MARCHF1: variants seen among roughly 807,000 people sequenced by gnomAD.
MARCHF1 encodes the protein membrane associated ring-CH-type finger 1, also known as E3 ubiquitin-protein ligase MARCHF1.
MARCHF1 carries 40 observed loss-of-function variants against 54.2 expected under a neutral mutation model. That is an observed-to-expected ratio of 0.74 (90% CI 0.57 to 0.96). The LOEUF is 0.96. Ranked by LOEUF, MARCHF1 falls within the 40% of genes least tolerant of loss-of-function variation. The pLI is 0.00. For missense variants in MARCHF1, 586 were observed against 656.5 expected (o/e 0.89, Z 1.17); for synonymous variants, 236 against 236.3 (o/e 1.00, Z 0.01).
At chr4:163,861,572 C>T (rs1749934069) in intron 3 of MARCHF1, among the ~76,000 whole-genome samples, 1 of 151,898 alleles carries the variant, frequency 6.6e-6, no homozygotes, top group South Asian at 2.1e-4. Flanking sequence ...ATTTAAAAAT[C>T]AAAGAAAATC....
At chr4:163,901,078 T>C (rs553805246) in intron 3 of MARCHF1, among the ~76,000 whole-genome samples, 1 of 152,298 alleles carries the variant, frequency 6.6e-6, no homozygotes, top group South Asian at 2.1e-4. Context: ...GTATATTTTA[T>C]ATTTATTGAT....
intron 3 of MARCHF1, among the ~76,000 whole-genome samples, chr4:163,956,454 T>A (rs940898060): frequency 2.6e-5 from 4 of 152,132 alleles, no homozygotes; most frequent in African/African-American, 9.7e-5. Flanking sequence ...AATATCACAA[T>A]TTCAGTGAGG....
chr4:164,307,771 G>A (rs1734734899), intron 1 of MARCHF1, among the ~76,000 whole-genome samples: 1 of 152,192 alleles, frequency 6.6e-6, no homozygotes, highest in Admixed American at 6.5e-5. Context: ...AGGAGACAGA[G>A]TACAGGCACA....
intron 1 of MARCHF1, among the ~76,000 whole-genome samples, chr4:164,357,024 A>G (rs1157186869): frequency 6.6e-6 from 1 of 151,754 alleles, no homozygotes; most frequent in East Asian, 1.9e-4. Context: ...TAGGCTTAAT[A>G]CCTGGGTGAC....
intron 1 of MARCHF1, among the ~76,000 whole-genome samples, chr4:164,306,561 C>A (rs1179753564): frequency 6.6e-6 from 1 of 152,102 alleles, no homozygotes; most frequent in South Asian, 2.1e-4. Flanking sequence ...GTTCAGCCTA[C>A]CTCTTAGGCC....
chr4:164,197,488 C>T (rs1731309269), intron 1 of MARCHF1: 1 of 1,613,596 alleles, frequency 6.2e-7, no homozygotes, highest in African/African-American at 1.3e-5. Flanking sequence ...TACTTCCAGG[C>T]CCCCTGAGAC....
intron 1 of MARCHF1, among the ~76,000 whole-genome samples, chr4:164,343,475 G>T (rs1729985597): frequency 6.6e-6 from 1 of 152,056 alleles, no homozygotes; most frequent in African/African-American, 2.4e-5. Context: ...TTCAACAAAG[G>T]TCTAGTATTG....
intron 1 of MARCHF1, among the ~76,000 whole-genome samples, chr4:164,199,673 C>CAGAGAGAGAG (rs1288691654): frequency 1.6e-5 from 1 of 60,726 alleles, no homozygotes; most frequent in African/African-American, 7.9e-5. Flanking sequence ...CACACACACA[C>CAGAGAGAGAG]ACACACACAG....
chr4:163,847,853 T>C (rs1749531148), intron 4 of MARCHF1, among the ~76,000 whole-genome samples: 1 of 152,174 alleles, frequency 6.6e-6, no homozygotes. Flanking sequence ...AATGCTGGGA[T>C]TACAGGCATG....
chr4:163,720,841 G>C (rs141037715), intron 4 of MARCHF1, among the ~76,000 whole-genome samples: 3,782 of 152,200 alleles, frequency 0.025, 157 homozygotes, highest in African/African-American at 0.085. Flanking sequence ...TCTGTTATTG[G>C]TGTATAAGAA....
chr4:163,709,548 A>G (rs1013927632), intron 4 of MARCHF1, among the ~76,000 whole-genome samples: 2 of 152,242 alleles, frequency 1.3e-5, no homozygotes, highest in African/African-American at 2.4e-5. Context: ...AGTGTATATC[A>G]TAAAGGTATA....
chr4:164,179,480 A>G (rs1293191101), intron 1 of MARCHF1, among the ~76,000 whole-genome samples: 1 of 152,188 alleles, frequency 6.6e-6, no homozygotes, highest in African/African-American at 2.4e-5. Flanking sequence ...AATATTGAAT[A>G]GTTTCAAAAA....
intron 1 of MARCHF1, among the ~76,000 whole-genome samples, chr4:164,257,632 T>G (rs958952019): frequency 6.6e-6 from 1 of 151,944 alleles, no homozygotes; most frequent in Admixed American, 6.6e-5. Flanking sequence ...TCATGTATAT[T>G]TTTTAATGTT....
chr4:163,742,384 C>CTCCTTCCTCCCTCCCT (rs1685462289), intron 4 of MARCHF1, among the ~76,000 whole-genome samples: 1 of 97,744 alleles, frequency 1.0e-5, no homozygotes, highest in African/African-American at 3.6e-5. Context: ...CCCTCGCTAC[C>CTCCTTCCTCCCTCCCT]TCCTTCCTTC....
chr4:164,274,825 C>G (rs1220824524), intron 1 of MARCHF1, among the ~76,000 whole-genome samples: 1 of 150,974 alleles, frequency 6.6e-6, no homozygotes, highest in African/African-American at 2.4e-5. Context: ...TACAGGCGCC[C>G]GCCACTATGC....
rs562788771 is a variant in MARCHF1 at position 164,237,433 on chromosome 4, C to T, written c.-322-125771G>A. On this transcript the variant is annotated intron_variant, in intron 1 of 9. Transcript: ENST00000514618. ...CTTCTTTCTCTCTGCTAACACAATC[C>T]TTTCTCTACTTACCTATTATCTGTA... 1.3e-4 allele frequency among the ~76,000 whole-genome samples: 20 copies of T among 152,118 alleles called. No homozygotes were observed. In the South Asian group the frequency reaches 3.9e-3, roughly 30 times the overall value.
intron 1 of MARCHF1, among the ~76,000 whole-genome samples, chr4:164,206,233 T>C (rs1731602580): frequency 6.6e-6 from 1 of 152,178 alleles, no homozygotes; most frequent in African/African-American, 2.4e-5. Context: ...GGTCAGGAGT[T>C]CGAGACCAGC....
chr4:163,683,366 G>A (rs891903972), intron 5 of MARCHF1, among the ~76,000 whole-genome samples: 9 of 152,042 alleles, frequency 5.9e-5, no homozygotes, highest in African/African-American at 1.4e-4. Context: ...AGAACAGCAC[G>A]GGAAAGACCT....
chr4:163,616,730 C>G (rs1303255147), intron 5 of MARCHF1, among the ~76,000 whole-genome samples: 1 of 151,890 alleles, frequency 6.6e-6, no homozygotes, highest in Admixed American at 6.6e-5. Flanking sequence ...CACACACACA[C>G]ACACACAAAA....
Sources: allele counts gnomAD v4.1 joint callset (sites outside exome capture counted in the v4.1 genomes callset), GRCh38; gene constraint gnomAD v4.1.1; transcripts MANE v1.5; gene names NCBI Gene and HGNC (gene_info 2026-07-23, HGNC 2026-07-21).